MED12L: variants seen among roughly 807,000 people sequenced by gnomAD.
The protein encoded by MED12L is mediator complex subunit 12L.
A neutral mutation model predicts 281.3 loss-of-function variants in MED12L; 60 were observed. That is an observed-to-expected ratio of 0.21 (90% CI 0.17 to 0.26). The LOEUF is 0.26. Among genes scored for constraint, MED12L ranks in the 10% least tolerant of loss-of-function variants. MED12L has a pLI of 1.00. For synonymous variants in MED12L, 974 were observed against 987.2 expected (o/e 0.99, Z 0.25); for missense variants, 2,146 against 2,680.9 (o/e 0.80, Z 4.41).
At chr3:151,388,267 C>T in intron 37 of MED12L, 95 bp downstream of exon 37, 1 of 1,453,898 alleles carries the variant, frequency 6.9e-7, no homozygotes, top group Non-Finnish European at 9.2e-7. Flanking sequence ...TTACCAAGAG[C>T]AGGATAAGTT....
At chr3:151,376,746 G>A (rs879231924) in intron 28 of MED12L, 54 bp from the exon 29 acceptor site, 3 of 1,410,522 alleles carry the variant, frequency 2.1e-6, no homozygotes, top group South Asian at 2.3e-5. Flanking sequence ...AGAAATTACT[G>A]TATTTTAACA....
intron 2 of MED12L, among the ~76,000 whole-genome samples, chr3:151,112,207 T>C (rs1461924281): frequency 6.6e-6 from 1 of 152,118 alleles, no homozygotes; most frequent in Non-Finnish European, 1.5e-5. Context: ...AGCACACCTG[T>C]ATCAGTTTGC....
At chr3:151,430,148 A>G in intron 43 of MED12L, 151 bp from the exon 44 acceptor site, 2 of 1,140,578 alleles carry the variant, frequency 1.8e-6, no homozygotes, top group South Asian at 1.7e-5. Context: ...CAAGGTGTAG[A>G]TGAAAATTAA....
rs55920434 is a variant in MED12L, at chr3:151,270,196, CGTGTGTGT to C, written c.2250+76569_2250+76576del. On this transcript the variant is annotated intron_variant, in intron 16 of 44. Transcript: ENST00000687756. ...TCTCCAGTTCCTGGGAGCAAGCTGT[CGTGTGTGT>C]GTGTGTGTGTGTGTGTGTGTGTGTG... The C allele has an allele frequency of 5.5e-3, 709 of 129,704 alleles. 8 individuals carry two copies. Among genetic ancestry groups the C allele is most frequent in the East Asian group, 0.028 (121 of 4,342 alleles). The allele number at this position is 129,704 out of a possible 1,614,324, so 8.0% of individuals were successfully genotyped here.
At chr3:151,158,328 G>A (rs1335209382) in intron 6 of MED12L, among the ~76,000 whole-genome samples, 1 of 152,046 alleles carries the variant, frequency 6.6e-6, no homozygotes, top group Non-Finnish European at 1.5e-5. Context: ...CATGAGCAGT[G>A]CTTATCTTCT....
intron 16 of MED12L, among the ~76,000 whole-genome samples, chr3:151,300,644 G>A (rs954641391): frequency 7.9e-5 from 12 of 151,996 alleles, no homozygotes; most frequent in Non-Finnish European, 1.8e-4. Context: ...TTACCATTAG[G>A]GGAAGTCACA....
At chr3:151,411,187 C>T in intron 40 of MED12L, 91 bp from the exon 41 acceptor site, 1 of 1,068,216 alleles carries the variant, frequency 9.4e-7, no homozygotes, top group Non-Finnish European at 1.4e-6. Context: ...GGGGAGTCCT[C>T]ATGGGTTTGT....
chr3:151,199,721 G>C (rs1466685731), intron 16 of MED12L, among the ~76,000 whole-genome samples: 3 of 152,070 alleles, frequency 2.0e-5, no homozygotes, highest in African/African-American at 7.2e-5. Context: ...GTTACCAGTT[G>C]GGTTGGAAGT....
At chr3:151,242,982 G>A (rs1327129572) in intron 16 of MED12L, among the ~76,000 whole-genome samples, 1 of 151,762 alleles carries the variant, frequency 6.6e-6, no homozygotes, top group Admixed American at 6.6e-5. Context: ...GAAGCCTCAG[G>A]AGCCCATGCG....
rs1749577658 is a variant in MED12L, at chr3:151,326,267, G to A, written c.2251-23792G>A. 3 of 152,506 alleles carry A rather than the reference G, an allele frequency of 2.0e-5. No individual in the cohort carries two copies. In the South Asian group the frequency reaches 6.2e-4, roughly 32 times the overall value. 9.4% of individuals were successfully genotyped at this position (152,506 alleles called of 1,614,324 possible). On this transcript the variant is annotated intron_variant, in intron 16 of 44. Coordinates refer to ENST00000687756, the MANE Select transcript of MED12L (RefSeq NM_001393769.1). ...GATAATAAAAACATCAATGAGAATT[G>A]GCTTCCCTTTTGCTTCTCTAATACA... is the stretch of plus-strand genomic sequence containing the variant.
intron 39 of MED12L, among the ~76,000 whole-genome samples, chr3:151,404,282 A>G (rs1424216683): frequency 2.0e-5 from 3 of 152,146 alleles, no homozygotes; most frequent in Non-Finnish European, 4.4e-5. Context: ...CAGTTCTTAT[A>G]ATATATGGAC....
intron 16 of MED12L, among the ~76,000 whole-genome samples, chr3:151,248,414 G>A (rs535049318): frequency 1.3e-5 from 2 of 152,058 alleles, no homozygotes; most frequent in Non-Finnish European, 2.9e-5. Context: ...TTAGCATTTT[G>A]TGCTTTTAAA....
At chr3:151,086,618 AGAGGAG>A (rs1326445050) in intron 1 of MED12L, 174 bp from the exon 2 acceptor site, 1 of 249,242 alleles carries the variant, frequency 4.0e-6, no homozygotes, top group African/African-American at 2.3e-5. Flanking sequence ...AGGGGGGAGC[AGAGGAG>A]GCAGGCGCCG....
Position 151,422,462 on chromosome 3 carries a change from A to G in MED12L, c.6408+6040A>G, listed in dbSNP as rs527432015. ...TCTTTGGCATCGCTCGGCCCGTGGA[A>G]GCAGCACCCTGAGCTTTGCCTCCAC... On this transcript the variant is annotated intron_variant, in intron 43 of 44. Coordinates refer to ENST00000687756, the MANE Select transcript of MED12L (RefSeq NM_001393769.1). 2.1e-3 allele frequency among the ~76,000 whole-genome samples: 327 copies of G among 152,280 alleles called. 1 individual carries two copies. The highest frequency in any genetic ancestry group is 7.5e-3 in the African/African-American group (312 of 41,564).
intron 21 of MED12L, among the ~76,000 whole-genome samples, chr3:151,363,031 C>A (rs148859096): frequency 6.6e-6 from 1 of 152,066 alleles, no homozygotes; most frequent in East Asian, 1.9e-4. Context: ...GCCTATTTGA[C>A]CCTTAATACT....
intron 2 of MED12L, among the ~76,000 whole-genome samples, chr3:151,095,949 A>G (rs1720656538): frequency 6.6e-6 from 1 of 152,230 alleles, no homozygotes. Flanking sequence ...CTCTGGCCCA[A>G]GAAATTTAAT....
chr3:151,098,755 C>T (rs566166244), intron 2 of MED12L, among the ~76,000 whole-genome samples: 1 of 151,570 alleles, frequency 6.6e-6, no homozygotes, highest in East Asian at 2.0e-4. Context: ...ATGTGAATAT[C>T]TTTTAGGGGA....
Position 151,337,953 on chromosome 3 carries a change from T to C in MED12L, c.2251-12106T>C, listed in dbSNP as rs780595507. Reference sequence around the variant, plus strand: ...TCTGAAGGACTTGCAAAGGAAAAAATAGATGAACGGATCCAGGCATGCATT... The same window carrying C: ...TCTGAAGGACTTGCAAAGGAAAAAACAGATGAACGGATCCAGGCATGCATT... On this transcript the variant is annotated intron_variant, in intron 16 of 44. Transcript: ENST00000687756. 54 of 1,613,912 alleles carry C rather than the reference T, an allele frequency of 3.3e-5. No homozygotes were observed. Among genetic ancestry groups the C allele is most frequent in the Non-Finnish European group, 4.3e-5 (51 of 1,180,002 alleles).
chr3:151,417,487 C>CCCCCCCTT (rs1717736742), intron 43 of MED12L, among the ~76,000 whole-genome samples: 3 of 78,816 alleles, frequency 3.8e-5, no homozygotes, highest in Admixed American at 1.7e-4. Flanking sequence ...CCCCCCCCGC[C>CCCCCCCTT]TTTTTTTTTT....
Sources: gnomAD v4.1 joint callset for allele counts (sites outside exome capture counted in the v4.1 genomes callset) on GRCh38, gnomAD v4.1.1 for gene constraint, MANE v1.5 for transcripts, NCBI Gene and HGNC (gene_info 2026-07-23, HGNC 2026-07-21) for gene names.